Variants in EBF2 observed in about 807,000 individuals in gnomAD.
EBF2 encodes the protein transcription factor COE2.
Under a neutral mutation model 72.8 loss-of-function variants are expected in EBF2, and 21 were observed. The observed-to-expected ratio is 0.29, with a 90% CI of 0.20 to 0.42. The LOEUF (loss-of-function observed/expected upper bound fraction) is 0.42, where lower values mean the gene tolerates loss of function less well. Among genes scored for constraint, EBF2 ranks in the 10% least tolerant of loss-of-function variants. The pLI, the probability that EBF2 is intolerant of heterozygous loss-of-function variation, is 1.00. For synonymous variants in EBF2, 299 were observed against 274.2 expected, an observed-to-expected ratio of 1.09 and a Z score of -0.89; for missense variants, 637 against 731.2, an observed-to-expected ratio of 0.87 and a Z score of 1.49.
chr8:25,983,314 T>C (rs990900036), intron 6 of EBF2, among the ~76,000 whole-genome samples: 7 of 152,270 alleles, frequency 4.6e-5, no homozygotes, highest in Non-Finnish European at 8.8e-5. Context: ...CTCAAACGTG[T>C]AAAAATGCGC....
At chr8:25,876,572 C>T (rs764171226) in intron 10 of EBF2, among the ~76,000 whole-genome samples, 22 of 152,336 alleles carry the variant, frequency 1.4e-4, no homozygotes, top group African/African-American at 4.1e-4. Flanking sequence ...TCACCAGCCA[C>T]GGCCTATTTC....
chr8:25,962,988 C>T (rs1804059166), intron 6 of EBF2, among the ~76,000 whole-genome samples: 1 of 152,204 alleles, frequency 6.6e-6, no homozygotes, highest in South Asian at 2.1e-4. Context: ...ATGTGCTCTT[C>T]TGGAGGGGCA....
intron 15 of EBF2, among the ~76,000 whole-genome samples, chr8:25,846,733 G>T (rs1350323566): frequency 1.6e-4 from 25 of 152,106 alleles, no homozygotes; most frequent in Admixed American, 1.6e-3. Context: ...GGTGCTCAGA[G>T]AGATACCAAA....
intron 5 of EBF2, among the ~76,000 whole-genome samples, chr8:26,039,701 C>T (rs1408865177): frequency 2.6e-5 from 4 of 152,312 alleles, no homozygotes; most frequent in East Asian, 3.9e-4. Context: ...GAACTCCAGC[C>T]GATCCCAAAC....
At chr8:25,858,546 C>T (rs776843969) in intron 13 of EBF2, 42 bp from the exon 14 acceptor site, 4 of 1,585,420 alleles carry the variant, frequency 2.5e-6, no homozygotes, top group Non-Finnish European at 3.4e-6. Flanking sequence ...AACAGGCGTG[C>T]ACAGTCAGGC....
chr8:25,928,757 A>T (rs1803430925), intron 6 of EBF2, among the ~76,000 whole-genome samples: 1 of 147,956 alleles, frequency 6.8e-6, no homozygotes, highest in African/African-American at 2.5e-5. Context: ...TGGGATAATG[A>T]TTAATAATAA....
intron 7 of EBF2, among the ~76,000 whole-genome samples, chr8:25,904,251 A>AAAAG (rs1554568116): frequency 6.8e-6 from 1 of 147,326 alleles, no homozygotes; most frequent in Non-Finnish European, 1.5e-5. Flanking sequence ...AAAAAAAAAA[A>AAAAG]GGTTAAAAAG....
At chr8:26,001,299 T>G (rs1804720379) in intron 6 of EBF2, among the ~76,000 whole-genome samples, 1 of 151,754 alleles carries the variant, frequency 6.6e-6, no homozygotes, top group Non-Finnish European at 1.5e-5. Flanking sequence ...AGTGAAAAAG[T>G]GAAGAAAGGA....
At chr8:25,970,993 T>C (rs1346606233) in intron 6 of EBF2, among the ~76,000 whole-genome samples, 1 of 152,016 alleles carries the variant, frequency 6.6e-6, no homozygotes, top group Non-Finnish European at 1.5e-5. Flanking sequence ...CCACCATGCC[T>C]GGCTAATATT....
chr8:26,019,324 T>A (rs2117242907), intron 6 of EBF2, among the ~76,000 whole-genome samples: 1 of 151,046 alleles, frequency 6.6e-6, no homozygotes, highest in South Asian at 2.1e-4. Flanking sequence ...GGCTTTGGCA[T>A]CCCCAAGAAG....
chr8:25,860,780 G>T (rs11135896), intron 13 of EBF2, among the ~76,000 whole-genome samples: 1 of 151,900 alleles, frequency 6.6e-6, no homozygotes, highest in African/African-American at 2.4e-5. Context: ...GCCTCCCAAA[G>T]TGCAGGGATT....
chr8:25,893,285 T>TG (rs1203710134), intron 7 of EBF2, among the ~76,000 whole-genome samples: 8 of 144,790 alleles, frequency 5.5e-5, no homozygotes, highest in African/African-American at 1.8e-4. Flanking sequence ...TTTTTTTTTT[T>TG]TTTTTTTTTT....
chr8:25,921,961 A>C (rs1803312273), intron 6 of EBF2, among the ~76,000 whole-genome samples: 2 of 152,226 alleles, frequency 1.3e-5, no homozygotes, highest in African/African-American at 2.4e-5. Context: ...ATTATTGCTC[A>C]GAAATATGCT....
intron 6 of EBF2, among the ~76,000 whole-genome samples, chr8:26,023,004 G>A (rs1461553627): frequency 1.3e-5 from 2 of 152,176 alleles, no homozygotes; most frequent in African/African-American, 4.8e-5. Flanking sequence ...TCAATCCCTA[G>A]TGGGTAGAAT....
chr8:25,978,772 A>AG (rs1290317224), intron 6 of EBF2, among the ~76,000 whole-genome samples: 1 of 152,230 alleles, frequency 6.6e-6, no homozygotes, highest in Non-Finnish European at 1.5e-5. Flanking sequence ...CTGTCATTGC[A>AG]GTTAATCAGA....
intron 6 of EBF2, among the ~76,000 whole-genome samples, chr8:25,992,931 A>C (rs1405052410): frequency 6.6e-6 from 1 of 151,958 alleles, no homozygotes; most frequent in East Asian, 1.9e-4. Context: ...TTTGGAAATT[A>C]AAAGAATATC....
intron 6 of EBF2, among the ~76,000 whole-genome samples, chr8:26,016,060 A>C (rs914182339): frequency 1.3e-5 from 2 of 152,262 alleles, no homozygotes; most frequent in African/African-American, 2.4e-5. Flanking sequence ...GCTAAAGTTT[A>C]AGTGTTCTTG....
chr8:26,033,214 G>T, intron 5 of EBF2, 61 bp from the exon 6 acceptor site: 1 of 1,517,830 alleles, frequency 6.6e-7, no homozygotes. Context: ...AATGCAATGA[G>T]CACATGACAA....
At chr8:26,030,958 G>A (rs1374814021) in intron 6 of EBF2, among the ~76,000 whole-genome samples, 1 of 152,200 alleles carries the variant, frequency 6.6e-6, no homozygotes, top group Admixed American at 6.5e-5. Flanking sequence ...TACATAGGAA[G>A]AAAACATGAG....
Sources: allele counts gnomAD v4.1 joint callset (sites outside exome capture counted in the v4.1 genomes callset), GRCh38; gene constraint gnomAD v4.1.1; transcripts MANE v1.5; gene names NCBI Gene and HGNC (gene_info 2026-07-23, HGNC 2026-07-21).